Variants in ASIC2 observed in about 807,000 individuals in gnomAD.
The protein encoded by ASIC2 is acid sensing ion channel subunit 2.
In ASIC2, 25 loss-of-function variants were observed where a neutral mutation model predicts 57.3. That is an observed-to-expected ratio of 0.44 (90% CI 0.32 to 0.61). The LOEUF (loss-of-function observed/expected upper bound fraction) is 0.61. Ranked by LOEUF, ASIC2 falls within the 20% of genes least tolerant of loss-of-function variation. The pLI is 0.06. For missense variants in ASIC2, 641 were observed against 738.1 expected, an observed-to-expected ratio of 0.87 and a Z score of 1.52; for synonymous variants, 319 against 307.5, an observed-to-expected ratio of 1.04 and a Z score of -0.39.
chr17:34,036,041 T>C (rs1025810638), intron 1 of ASIC2, among the ~76,000 whole-genome samples: 3 of 152,106 alleles, frequency 2.0e-5, no homozygotes, highest in African/African-American at 7.2e-5. Flanking sequence ...CAAAGGATTA[T>C]AAATCATGCT....
chr17:34,037,873 G>A, intron 1 of ASIC2: 1 of 1,613,920 alleles, frequency 6.2e-7, no homozygotes. Flanking sequence ...CTTGTAGGAT[G>A]TCTTGCTGAG....
chr17:33,573,703 C>T (rs1314874811), intron 1 of ASIC2, among the ~76,000 whole-genome samples: 1 of 152,084 alleles, frequency 6.6e-6, no homozygotes, highest in Non-Finnish European at 1.5e-5. Flanking sequence ...GTAGCTGGGA[C>T]TACAGGTGCA....
intron 1 of ASIC2, among the ~76,000 whole-genome samples, chr17:33,517,242 C>A (rs1914599634): frequency 1.3e-5 from 2 of 152,030 alleles, no homozygotes; most frequent in Non-Finnish European, 2.9e-5. Context: ...CAGCCTCCTG[C>A]GTAGCTGGGA....
chr17:33,411,285 T>A (rs1910650389), intron 1 of ASIC2, among the ~76,000 whole-genome samples: 1 of 152,202 alleles, frequency 6.6e-6, no homozygotes, highest in Non-Finnish European at 1.5e-5. Flanking sequence ...GATTATATGG[T>A]TGTTACCATT....
intron 1 of ASIC2, among the ~76,000 whole-genome samples, chr17:33,711,203 C>G (rs1271342627): frequency 6.6e-6 from 1 of 152,218 alleles, no homozygotes; most frequent in African/African-American, 2.4e-5. Flanking sequence ...TGCACTGCAG[C>G]CCAGCCTGGA....
chr17:33,157,020 C>T lies in ASIC2; in HGVS notation c.709-44953G>A, dbSNP rs115374530. On this transcript the variant is annotated intron_variant, in intron 1 of 9. Coordinates refer to ENST00000225823, the MANE Select transcript of ASIC2 (RefSeq NM_183377.2). ...CTGGCTATAGTGGTTCTGGGAGCAG[C>T]GGGGGTCCCAGGCAGGTTACTGAGG... Among the ~76,000 whole-genome samples the T allele has an allele frequency of 5.9e-3, 894 of 152,084 alleles. 7 individuals are homozygous for T. The highest frequency in any genetic ancestry group is 0.015 in the African/African-American group (628 of 41,486).
chr17:33,459,595 C>A (rs1242553437), intron 1 of ASIC2, among the ~76,000 whole-genome samples: 1 of 152,202 alleles, frequency 6.6e-6, no homozygotes, highest in Non-Finnish European at 1.5e-5. Context: ...GATATTGGCT[C>A]CCAGCAATAT....
intron 1 of ASIC2, among the ~76,000 whole-genome samples, chr17:33,596,765 T>C (rs1296610603): frequency 6.6e-6 from 1 of 152,206 alleles, no homozygotes; most frequent in Non-Finnish European, 1.5e-5. Flanking sequence ...CCAGCCATCT[T>C]TTATGCTAAC....
intron 3 of ASIC2, among the ~76,000 whole-genome samples, chr17:33,062,788 T>G (rs1352855041): frequency 6.6e-6 from 1 of 152,198 alleles, no homozygotes; most frequent in Non-Finnish European, 1.5e-5. Flanking sequence ...TATTATTGTA[T>G]GGGAGTCTAA....
intron 1 of ASIC2, among the ~76,000 whole-genome samples, chr17:33,581,786 C>A (rs1046801624): frequency 6.6e-6 from 1 of 152,180 alleles, no homozygotes; most frequent in Non-Finnish European, 1.5e-5. Flanking sequence ...CTCGGCCCAT[C>A]GAAGGCACTC....
chr17:34,134,345 T>G (rs11657896), intron 1 of ASIC2, among the ~76,000 whole-genome samples: 85,204 of 152,032 alleles, frequency 0.56, 25,014 homozygotes, highest in South Asian at 0.72. Flanking sequence ...TGCCCCAAAG[T>G]CCCCAGAAAG....
chr17:34,020,481 A>G (rs1279527936), intron 1 of ASIC2, among the ~76,000 whole-genome samples: 1 of 152,152 alleles, frequency 6.6e-6, no homozygotes, highest in Admixed American at 6.5e-5. Flanking sequence ...CTCCTTCCCA[A>G]CCTAACTTCA....
intron 1 of ASIC2, among the ~76,000 whole-genome samples, chr17:33,855,041 G>T (rs1913882889): frequency 6.6e-6 from 1 of 152,300 alleles, no homozygotes; most frequent in South Asian, 2.1e-4. Context: ...TGAGATGGGG[G>T]CAGGGGATGG....
At chr17:33,988,193 A>G (rs1277219648) in intron 1 of ASIC2, among the ~76,000 whole-genome samples, 1 of 152,244 alleles carries the variant, frequency 6.6e-6, no homozygotes, top group East Asian at 1.9e-4. Flanking sequence ...GGTGTGGTAT[A>G]CATGCAAACA....
intron 3 of ASIC2, among the ~76,000 whole-genome samples, chr17:33,041,584 C>T (rs962019319): frequency 6.6e-6 from 1 of 152,350 alleles, no homozygotes; most frequent in East Asian, 1.9e-4. Context: ...AGACTGCCTC[C>T]TCTAAGCCAG....
chr17:33,799,267 G>A (rs564020972), intron 1 of ASIC2, among the ~76,000 whole-genome samples: 3 of 148,160 alleles, frequency 2.0e-5, no homozygotes, highest in African/African-American at 2.5e-5. Context: ...CCATCAATCC[G>A]TTTTTCCTCC....
At chr17:33,402,592 C>T (rs1432549570) in intron 1 of ASIC2, among the ~76,000 whole-genome samples, 1 of 152,158 alleles carries the variant, frequency 6.6e-6, no homozygotes, top group Non-Finnish European at 1.5e-5. Context: ...CCAGCTTCAT[C>T]CATGTCCCTG....
intron 1 of ASIC2, chr17:33,834,309 A>G (rs1457154337): frequency 1.3e-5 from 2 of 152,222 alleles, no homozygotes; most frequent in African/African-American, 4.8e-5. Flanking sequence ...TGAAGAGTGC[A>G]CTGTACCCAT....
At chr17:33,593,868 C>T in intron 1 of ASIC2, among the ~76,000 whole-genome samples, 1 of 152,206 alleles carries the variant, frequency 6.6e-6, no homozygotes, top group South Asian at 2.1e-4. Flanking sequence ...GAAGATTATT[C>T]TCAGTATCTG....
Sources: gnomAD v4.1 joint callset for allele counts (sites outside exome capture counted in the v4.1 genomes callset) on GRCh38, gnomAD v4.1.1 for gene constraint, MANE v1.5 for transcripts, NCBI Gene and HGNC (gene_info 2026-07-23, HGNC 2026-07-21) for gene names.